Variants in RBBP4 observed in about 807,000 individuals in gnomAD.
RBBP4 encodes the protein histone-binding protein RBBP4.
Under a neutral mutation model 57.2 loss-of-function variants are expected in RBBP4, and 3 were observed. The ratio of observed to expected loss-of-function variants is 0.05; its 90% CI spans 0.02 to 0.14. The LOEUF is 0.14. Among genes scored for constraint, RBBP4 ranks in the 10% least tolerant of loss-of-function variants. The pLI, the probability that RBBP4 is intolerant of heterozygous loss-of-function variation, is 1.00. For synonymous variants in RBBP4, 151 were observed against 171.5 expected (o/e 0.88, Z 0.93); for missense variants, 107 against 520.6 (o/e 0.21, Z 7.73).
Position 32,685,031 on chromosome 1 carries a change from G to A in RBBP4, c.*5326G>A, listed in dbSNP as rs1349864514. 2 of 151,870 alleles carry A rather than the reference G, an allele frequency of 1.3e-5. No homozygotes were observed. Among genetic ancestry groups the A allele is most frequent in the African/African-American group, 4.9e-5 (2 of 41,228 alleles). 9.4% of individuals were successfully genotyped at this position (151,870 alleles called of 1,614,324 possible). On this transcript the variant is annotated 3_prime_UTR_variant, in exon 12 of 12. Coordinates refer to ENST00000373493, the MANE Select transcript of RBBP4 (RefSeq NM_005610.3). ...GCATCCTTTTTTCTTCTTTATTTTT[G>A]TATAGAGACAGGGTCTCGCTATGTT...
chr1:32,666,946 C>T (rs1021995060), intron 3 of RBBP4, among the ~76,000 whole-genome samples: 4 of 152,136 alleles, frequency 2.6e-5, no homozygotes, highest in African/African-American at 9.7e-5. Context: ...GAGAAGTGAC[C>T]TAGAAGGCAA....
At chr1:32,660,092 G>A (rs938990292) in intron 3 of RBBP4, among the ~76,000 whole-genome samples, 29 of 152,120 alleles carry the variant, frequency 1.9e-4, no homozygotes, top group African/African-American at 6.5e-4. Flanking sequence ...TATTTGTGAT[G>A]TTGAGCTTAC....
chr1:32,652,954 G>A (rs890001774), intron 2 of RBBP4, among the ~76,000 whole-genome samples: 1 of 152,148 alleles, frequency 6.6e-6, no homozygotes, highest in Non-Finnish European at 1.5e-5. Context: ...AGTTATATAT[G>A]GTGACAGCAG....
rs892104822 is a variant in RBBP4 at position 32,679,868 on chromosome 1, A to T, written c.*163A>T. On this transcript the variant is annotated 3_prime_UTR_variant, in exon 12 of 12. Coordinates refer to ENST00000373493, the MANE Select transcript of RBBP4 (RefSeq NM_005610.3). Reference sequence around the variant, plus strand: ...AAACCGTGGGTGTTTTCTAAATATTAATAGGGGGGCTTGATTCAACAAAGC... The same window carrying T: ...AAACCGTGGGTGTTTTCTAAATATTTATAGGGGGGCTTGATTCAACAAAGC... 6.4e-5 allele frequency: 84 copies of T among 1,307,934 alleles called. No individual in the cohort carries two copies. Among genetic ancestry groups the T allele is most frequent in the Non-Finnish European group, 7.5e-5 (77 of 1,033,458 alleles). The allele number at this position is 1,307,934 out of a possible 1,614,324, so 81.0% of individuals were successfully genotyped here.
chr1:32,659,444 C>T (rs1219447520), intron 3 of RBBP4, among the ~76,000 whole-genome samples: 1 of 151,542 alleles, frequency 6.6e-6, no homozygotes, highest in East Asian at 1.9e-4. Flanking sequence ...CCTGTAATCC[C>T]AGCTACTCAG....
At chr1:32,666,166 A>T (rs767827219) in intron 3 of RBBP4, among the ~76,000 whole-genome samples, 1 of 152,246 alleles carries the variant, frequency 6.6e-6, no homozygotes, top group Admixed American at 6.5e-5. Flanking sequence ...TCACTGAAAT[A>T]AAAGAAACAC....
rs186049858 is a variant in RBBP4, at chr1:32,675,042, A to C, written c.1212+2141A>C. On this transcript the variant is annotated intron_variant, in intron 11 of 11. Coordinates refer to ENST00000373493, the MANE Select transcript of RBBP4 (RefSeq NM_005610.3). ...GTGAGCCACCGTGCCCGGCATTTTT[A>C]TTTTTGAGACGGAGTTTTGTTCTTA... is the stretch of plus-strand genomic sequence containing the variant. Among the ~76,000 whole-genome samples the C allele has an allele frequency of 3.7e-4, 54 of 145,584 alleles. 1 individual carries two copies. The highest frequency in any genetic ancestry group is 1.4e-3 in the African/African-American group (53 of 38,896).
chr1:32,662,909 A>G (rs1648487077), intron 3 of RBBP4, among the ~76,000 whole-genome samples: 2 of 151,990 alleles, frequency 1.3e-5, no homozygotes, highest in Non-Finnish European at 2.9e-5. Flanking sequence ...GCTTGAACCC[A>G]GGAGGCGGAG....
Position 32,679,833 on chromosome 1 carries a change from C to G in RBBP4, c.*128C>G. On this transcript the variant is annotated 3_prime_UTR_variant, in exon 12 of 12. Transcript: ENST00000373493. The stretch of plus-strand genomic sequence containing the variant: ...TATATAATAGGTACCACCGATAATG[C>G]TATTAGCCCAAACCGTGGGTGTTTT... 5 of 1,426,022 alleles carry G rather than the reference C, an allele frequency of 3.5e-6. No homozygotes were observed. Among genetic ancestry groups the G allele is most frequent in the Non-Finnish European group, 4.6e-6 (5 of 1,095,218 alleles). The allele number at this position is 1,426,022 out of a possible 1,614,324, so 88.3% of individuals were successfully genotyped here.
At chr1:32,663,823 G>C (rs930598149) in intron 3 of RBBP4, among the ~76,000 whole-genome samples, 4 of 152,026 alleles carry the variant, frequency 2.6e-5, no homozygotes, top group Admixed American at 2.6e-4. Context: ...TGATCCGCCT[G>C]CCTCGGCCTC....
At chr1:32,668,438 T>G (rs758376810) in intron 4 of RBBP4, 40 bp downstream of exon 4, 2 of 1,512,146 alleles carry the variant, frequency 1.3e-6, no homozygotes, top group South Asian at 2.3e-5. Flanking sequence ...TGAGTCACTA[T>G]AGAAATACAT....
At position 32,682,529 on chromosome 1, in the gene RBBP4, T is replaced by G. The variant is rs1649512837; in HGVS notation, c.*2824T>G. ...GGTTCACGCCTGTAATCCCAGCACT[T>G]TGAGAGGCTGAGGCACGTGGATCAC... On this transcript the variant is annotated 3_prime_UTR_variant, in exon 12 of 12. Coordinates refer to ENST00000373493, the MANE Select transcript of RBBP4 (RefSeq NM_005610.3). 1 of 152,206 alleles carries G rather than the reference T, an allele frequency of 6.6e-6. No homozygotes were observed. The highest frequency in any genetic ancestry group is 1.5e-5 in the Non-Finnish European group (1 of 68,056). 9.4% of individuals were successfully genotyped at this position (152,206 alleles called of 1,614,324 possible).
In RBBP4 at chr1:32,680,080, C is replaced by T; in HGVS notation, c.*375C>T. On this transcript the variant is annotated 3_prime_UTR_variant, in exon 12 of 12. Transcript: ENST00000373493. Reference sequence around the variant, plus strand: ...AGCCAAATGAGGTAGGTGTCTGAGCCATGAAGTATAAATACTGAAAGATGT... The same window carrying T: ...AGCCAAATGAGGTAGGTGTCTGAGCTATGAAGTATAAATACTGAAAGATGT... The T allele has an allele frequency of 1.3e-5, 14 of 1,067,880 alleles. No individual in the cohort carries two copies. The highest frequency in any genetic ancestry group is 1.6e-5 in the Non-Finnish European group (14 of 884,388). 66.2% of individuals were successfully genotyped at this position (1,067,880 alleles called of 1,614,324 possible).
At chr1:32,656,034 G>T (rs997924949) in intron 2 of RBBP4, among the ~76,000 whole-genome samples, 4 of 152,158 alleles carry the variant, frequency 2.6e-5, no homozygotes, top group Non-Finnish European at 5.9e-5. Flanking sequence ...AGTACAGAAT[G>T]CCTTAAGACG....
chr1:32,657,915 C>A (rs1271864052), intron 3 of RBBP4, among the ~76,000 whole-genome samples: 1 of 152,078 alleles, frequency 6.6e-6, no homozygotes, highest in South Asian at 2.1e-4. Flanking sequence ...TGTAGTGGCA[C>A]GATCTTCTCT....
intron 8 of RBBP4, among the ~76,000 whole-genome samples, chr1:32,672,133 G>T (rs1648905579): frequency 6.6e-6 from 1 of 151,892 alleles, no homozygotes; most frequent in South Asian, 2.1e-4. Flanking sequence ...GGGATTACAG[G>T]CGCCTGCCAC....
intron 3 of RBBP4, among the ~76,000 whole-genome samples, chr1:32,664,546 G>A (rs1035698645): frequency 4.6e-5 from 7 of 151,982 alleles, no homozygotes; most frequent in East Asian, 3.9e-4. Flanking sequence ...TCTGCCTCCC[G>A]GGTTCAAGCA....
chr1:32,665,867 A>G (rs900443409), intron 3 of RBBP4, among the ~76,000 whole-genome samples: 3 of 152,172 alleles, frequency 2.0e-5, no homozygotes, highest in Non-Finnish European at 4.4e-5. Flanking sequence ...TCTGACTCTT[A>G]CTTTGGAACT....
rs773086519 is a variant in RBBP4 at position 32,679,681 on chromosome 1, G to A, written c.1254G>A (p.Val418=). The stretch of plus-strand genomic sequence containing the variant: ...ATGATGAAGACCCTGAAGGAAGCGT[G>A]GATCCAGAAGGACAAGGGTCCTAGA... ...IYNDEDPEGS[V]DPEGQGS Residue 418 remains valine (V), a synonymous_variant, in exon 12 of 12, where the codon GTG becomes GTA. Transcript: ENST00000373493. The A allele has an allele frequency of 6.2e-7, 1 of 1,606,978 alleles. No homozygotes were observed.
Sources: gnomAD v4.1 joint callset for allele counts (sites outside exome capture counted in the v4.1 genomes callset) on GRCh38, gnomAD v4.1.1 for gene constraint, MANE v1.5 for transcripts, NCBI Gene and HGNC (gene_info 2026-07-23, HGNC 2026-07-21) for gene names.